The following RAB2A variants were observed in gnomAD, a reference collection of about 807,000 sequenced individuals.
The protein encoded by RAB2A is ras-related protein Rab-2A.
Under a neutral mutation model 32.5 loss-of-function variants are expected in RAB2A, and 7 were observed. The ratio of observed to expected loss-of-function variants is 0.22; its 90% CI spans 0.12 to 0.40. The LOEUF (loss-of-function observed/expected upper bound fraction) is 0.40. RAB2A is among the 10% of genes least tolerant of loss of function. RAB2A has a pLI of 1.00. For missense variants in RAB2A, 108 were observed against 260.7 expected (o/e 0.41, Z 4.03); for synonymous variants, 79 against 85.2 (o/e 0.93, Z 0.40).
chr8:60,596,636 G>A (rs1420910365), intron 6 of RAB2A, among the ~76,000 whole-genome samples: 1 of 152,072 alleles, frequency 6.6e-6, no homozygotes, highest in Admixed American at 6.5e-5. Context: ...AAAAAGTGAG[G>A]AAACGGCCGG....
intron 6 of RAB2A, among the ~76,000 whole-genome samples, chr8:60,599,575 G>A (rs1804095357): frequency 6.6e-6 from 1 of 152,164 alleles, no homozygotes; most frequent in East Asian, 1.9e-4. Flanking sequence ...CTGGTAAAGG[G>A]ATAGACACAT....
In RAB2A at chr8:60,621,895, TTTA is replaced by T. The variant is rs1804535120; in HGVS notation, c.*1127_*1129del. On this transcript the variant is annotated 3_prime_UTR_variant, in exon 8 of 8. Transcript: ENST00000262646. Reference sequence around the variant, plus strand: ...AAATCCTGTTACAAAGTAGAAAAGCTTTAGTAATTTACTCAGTGTGGTGGTTTT... The same window carrying T: ...AAATCCTGTTACAAAGTAGAAAAGCTGTAATTTACTCAGTGTGGTGGTTTT... 3.3e-5 allele frequency: 5 copies of T among 152,206 alleles called. No individual in the cohort carries two copies. The highest frequency in any genetic ancestry group is 5.9e-5 in the Non-Finnish European group (4 of 68,028). The allele number at this position is 152,206 out of a possible 1,614,324, so 9.4% of individuals were successfully genotyped here. A position where few individuals can be genotyped will look rare whatever the true frequency, so the allele number is the denominator to read the frequency against.
intron 1 of RAB2A, among the ~76,000 whole-genome samples, chr8:60,526,080 A>C (rs1036766822): frequency 2.5e-4 from 36 of 141,770 alleles, no homozygotes; most frequent in Admixed American, 2.1e-3. Flanking sequence ...CTAGCATAAC[A>C]AACTACCAGA....
At chr8:60,593,550 C>G (rs1034266343) in intron 6 of RAB2A, among the ~76,000 whole-genome samples, 1 of 150,852 alleles carries the variant, frequency 6.6e-6, no homozygotes, top group Admixed American at 6.6e-5. Context: ...CCACAATCCC[C>G]AGGCAGTAAT....
intron 1 of RAB2A, among the ~76,000 whole-genome samples, chr8:60,526,054 T>TATATATATATATAA (rs1807382068): frequency 2.4e-5 from 3 of 126,540 alleles, no homozygotes; most frequent in African/African-American, 9.1e-5. Context: ...TATATATATA[T>TATATATATATATAA]ATAAGTTTTC....
chr8:60,595,401 A>G (rs1023461238), intron 6 of RAB2A, among the ~76,000 whole-genome samples: 3 of 152,222 alleles, frequency 2.0e-5, no homozygotes, highest in Non-Finnish European at 4.4e-5. Context: ...AAGCCCTCAT[A>G]TATCAATAAC....
At chr8:60,541,758 A>C (rs1273569449) in intron 1 of RAB2A, among the ~76,000 whole-genome samples, 2 of 152,176 alleles carry the variant, frequency 1.3e-5, no homozygotes, top group Non-Finnish European at 2.9e-5. Flanking sequence ...GTTCTTCATA[A>C]GTCTATTTTT....
At chr8:60,616,776 G>A (rs972580744) in intron 6 of RAB2A, among the ~76,000 whole-genome samples, 18 of 152,150 alleles carry the variant, frequency 1.2e-4, no homozygotes, top group African/African-American at 4.3e-4. Flanking sequence ...TGCTCCTGCC[G>A]CAGACGTTCA....
rs560752483 is a variant in RAB2A at position 60,574,219 on chromosome 8, G to C, written c.186+2106G>C. ...CCCATCGGAATAACTTATTCTTCCTGTAATATTTTGTGCATATGTCTCCTG... is the reference window on the plus strand; with the variant it reads ...CCCATCGGAATAACTTATTCTTCCTCTAATATTTTGTGCATATGTCTCCTG... On this transcript the variant is annotated intron_variant, in intron 3 of 7. Transcript: ENST00000262646. 3.3e-5 allele frequency among the ~76,000 whole-genome samples: 5 copies of C among 152,260 alleles called. No individual in the cohort carries two copies. The South Asian group carries it at 1.0e-3, about 32-fold the overall frequency.
At chr8:60,616,104 A>T (rs16926324) in intron 6 of RAB2A, among the ~76,000 whole-genome samples, 22,027 of 152,122 alleles carry the variant, frequency 0.14, 1,749 homozygotes, top group East Asian at 0.26. Flanking sequence ...CCTTTCAGAT[A>T]AAAAAATACT....
chr8:60,589,825 A>AC (rs1803912611), intron 5 of RAB2A, among the ~76,000 whole-genome samples: 1 of 152,202 alleles, frequency 6.6e-6, no homozygotes, highest in Non-Finnish European at 1.5e-5. Context: ...TTACATCATG[A>AC]CCTAGTAAAT....
intron 1 of RAB2A, among the ~76,000 whole-genome samples, chr8:60,554,457 T>C (rs951638718): frequency 6.6e-6 from 1 of 152,134 alleles, no homozygotes; most frequent in Non-Finnish European, 1.5e-5. Context: ...TTTTCTATCA[T>C]GGGTAGGGTG....
chr8:60,565,646 C>T (rs372277610), intron 2 of RAB2A, among the ~76,000 whole-genome samples: 1 of 138,180 alleles, frequency 7.2e-6, no homozygotes, highest in South Asian at 2.4e-4. Flanking sequence ...TCGAACTTCT[C>T]ATTAAGCTCT....
intron 3 of RAB2A, chr8:60,583,950 A>G: frequency 3.4e-6 from 1 of 296,920 alleles, no homozygotes; most frequent in South Asian, 5.1e-5. Flanking sequence ...AGGGATTGCC[A>G]AAAAGGGTTT....
intron 1 of RAB2A, among the ~76,000 whole-genome samples, chr8:60,558,242 A>G (rs576669717): frequency 6.6e-6 from 1 of 152,222 alleles, no homozygotes; most frequent in African/African-American, 2.4e-5. Context: ...TTCAGTATCC[A>G]ATTTTCCTTA....
intron 3 of RAB2A, chr8:60,583,904 C>G (rs1455129397): frequency 4.3e-6 from 1 of 233,264 alleles, no homozygotes; most frequent in Non-Finnish European, 8.8e-6. Context: ...AATAATGATT[C>G]GTGTATTGTG....
Position 60,522,465 on chromosome 8 carries a change from G to A in RAB2A, c.46+5212G>A, listed in dbSNP as rs540665487. On this transcript the variant is annotated intron_variant, in intron 1 of 7. Coordinates refer to ENST00000262646, the MANE Select transcript of RAB2A (RefSeq NM_002865.3). ...TATGCTTATATTGATTACACTGAAAGAGTTGGTGTTGGTGAAATGGGGCTT... is the reference window on the plus strand; with the variant it reads ...TATGCTTATATTGATTACACTGAAAAAGTTGGTGTTGGTGAAATGGGGCTT... Among the ~76,000 whole-genome samples the A allele has an allele frequency of 3.3e-5, 5 of 152,304 alleles. No homozygotes were observed. The South Asian group carries it at 6.2e-4, about 19-fold the overall frequency.
intron 1 of RAB2A, among the ~76,000 whole-genome samples, chr8:60,525,806 G>A (rs937894014): frequency 5.3e-5 from 8 of 151,720 alleles, no homozygotes; most frequent in Non-Finnish European, 1.0e-4. Context: ...TGTGTGCTAG[G>A]TAGGTTCTGC....
chr8:60,554,465 G>A (rs1463474860), intron 1 of RAB2A, among the ~76,000 whole-genome samples: 1 of 152,166 alleles, frequency 6.6e-6, no homozygotes, highest in South Asian at 2.1e-4. Context: ...CATGGGTAGG[G>A]TGAATCACAG....
Sources: allele counts gnomAD v4.1 joint callset (sites outside exome capture counted in the v4.1 genomes callset), GRCh38; gene constraint gnomAD v4.1.1; transcripts MANE v1.5; gene names NCBI Gene and HGNC (gene_info 2026-07-23, HGNC 2026-07-21).